PPP1R9A: variants seen among roughly 807,000 people sequenced by gnomAD.
PPP1R9A encodes neurabin-1.
Under a neutral mutation model 141.9 loss-of-function variants are expected in PPP1R9A, and 59 were observed. The observed-to-expected ratio is 0.42, with a 90% confidence interval of 0.34 to 0.52. The LOEUF is 0.52. Ranked by LOEUF, PPP1R9A falls within the 20% of genes least tolerant of loss-of-function variation. The pLI, the probability that PPP1R9A is intolerant of heterozygous loss-of-function variation, is 0.10. For missense variants in PPP1R9A, 1,444 were observed against 1,611.9 expected (o/e 0.90, Z 1.78); for synonymous variants, 500 against 569.7 (o/e 0.88, Z 1.74).
chr7:94,972,809 A>C (rs996789020), intron 2 of PPP1R9A, among the ~76,000 whole-genome samples: 6 of 152,228 alleles, frequency 3.9e-5, no homozygotes, highest in Non-Finnish European at 8.8e-5. Context: ...AGTGTTGCCA[A>C]GTCATGGGAC....
chr7:95,198,478 T>G lies in PPP1R9A; in HGVS notation c.1884T>G (p.Asp628Glu), dbSNP rs769899851. ...EQHYAQYDAD[D>E]DENTVAELQG... ...ACTATGCCCAGTATGATGCCGACGATGACGAGGTCAGTAGTGCTTGCAAAG... is the reference window on the plus strand; with the variant it reads ...ACTATGCCCAGTATGATGCCGACGAGGACGAGGTCAGTAGTGCTTGCAAAG... The change falls in exon 6 of 20, where the codon GAT becomes GAG. Residue 628 changes from aspartate to glutamate, a missense_variant. By Grantham distance (45) the Asp-to-Glu change is conservative. Coordinates refer to ENST00000433360, the MANE Select transcript of PPP1R9A (RefSeq NM_001166160.2). 1 of 1,588,022 alleles carries G rather than the reference T, an allele frequency of 6.3e-7. No homozygotes were observed. Among genetic ancestry groups the G allele is most frequent in the Non-Finnish European group, 8.5e-7 (1 of 1,170,088 alleles).
At chr7:95,181,506 G>T (rs1239841810) in intron 5 of PPP1R9A, among the ~76,000 whole-genome samples, 4 of 133,696 alleles carry the variant, frequency 3.0e-5, no homozygotes, top group Admixed American at 8.1e-5. Flanking sequence ...AATATATATA[G>T]AGAATATATA....
At chr7:94,983,885 G>C (rs1013621160) in intron 2 of PPP1R9A, among the ~76,000 whole-genome samples, 1 of 152,280 alleles carries the variant, frequency 6.6e-6, no homozygotes, top group South Asian at 2.1e-4. Context: ...GGAGTGGTGA[G>C]AGAGGGCATC....
Position 95,174,061 on chromosome 7 carries a change from T to C in PPP1R9A, c.1754+12090T>C, listed in dbSNP as rs549423139. Among the ~76,000 whole-genome samples the C allele has an allele frequency of 6.6e-5, 10 of 152,250 alleles. No individual in the cohort carries two copies. The South Asian group carries it at 2.1e-3, about 32-fold the overall frequency. ...ACATATATTTATATAAAGACTCATA[T>C]TTGCATATTCATAGCAGCTTTTTCA... On this transcript the variant is annotated intron_variant, in intron 5 of 19. Transcript: ENST00000433360.
intron 2 of PPP1R9A, among the ~76,000 whole-genome samples, chr7:94,991,886 A>C (rs1801560345): frequency 6.6e-6 from 1 of 152,170 alleles, no homozygotes; most frequent in South Asian, 2.1e-4. Flanking sequence ...TCCTGAGCTC[A>C]AACGATCCAC....
chr7:95,264,596 G>A (rs1034833240), intron 12 of PPP1R9A, among the ~76,000 whole-genome samples: 6 of 152,302 alleles, frequency 3.9e-5, no homozygotes, highest in Admixed American at 6.5e-5. Context: ...ATTTGTAGCA[G>A]TATTGAAAAT....
chr7:94,946,478 G>A (rs996473588), intron 2 of PPP1R9A, among the ~76,000 whole-genome samples: 1 of 151,756 alleles, frequency 6.6e-6, no homozygotes, highest in Non-Finnish European at 1.5e-5. Flanking sequence ...ATAACACAGT[G>A]GCCAATTTTA....
At chr7:95,043,467 A>T (rs1229839360) in intron 2 of PPP1R9A, among the ~76,000 whole-genome samples, 2 of 152,200 alleles carry the variant, frequency 1.3e-5, no homozygotes, top group Non-Finnish European at 2.9e-5. Flanking sequence ...AGGGCCCCAG[A>T]TGGGGAAGAA....
chr7:94,911,390 A>T lies in PPP1R9A; in HGVS notation c.1277A>T (p.Asp426Val). ...GGCACTGAGCAGGATGAGGAGGAAG[A>T]TAGTGATGAGAACAGTTACTATCAG... ...ETGTEQDEEE[D>V]SDENSYYQPD... Residue 426 changes from aspartate (D) to valine (V), a missense_variant, in exon 2 of 20, where the codon GAT (aspartate) becomes GTT (valine). By Grantham distance (152) the Asp-to-Val change is radical. Around this residue, in one of 5 missense-constraint regions of PPP1R9A, gnomAD observed 490 missense variants for 521.1 expected, o/e 0.94. Coordinates refer to ENST00000433360, the MANE Select transcript of PPP1R9A (RefSeq NM_001166160.2). The T allele has an allele frequency of 1.2e-6, 2 of 1,614,140 alleles. No individual in the cohort carries two copies. Among genetic ancestry groups the T allele is most frequent in the Non-Finnish European group, 1.7e-6 (2 of 1,179,990 alleles).
At position 94,949,932 on chromosome 7, in the gene PPP1R9A, A is replaced by G. The variant is rs374534198; in HGVS notation, c.1395+38424A>G. Reference sequence around the variant, plus strand: ...CTTTTTTTTTTTTTTTTGAATGGTCACTTTTTTTTTGAACTTTTCTGCTTT... The same window carrying G: ...CTTTTTTTTTTTTTTTTGAATGGTCGCTTTTTTTTTGAACTTTTCTGCTTT... On this transcript the variant is annotated intron_variant, in intron 2 of 19. Coordinates refer to ENST00000433360, the MANE Select transcript of PPP1R9A (RefSeq NM_001166160.2). Among the ~76,000 whole-genome samples, 549 of 134,776 alleles carry G rather than the reference A, an allele frequency of 4.1e-3. 21 individuals carry two copies. Among genetic ancestry groups the G allele is most frequent in the East Asian group, 0.036 (169 of 4,682 alleles). The allele number at this position is 134,776 out of a possible 152,430, so 88.4% of individuals were successfully genotyped here.
At chr7:94,919,667 C>T (rs1426937053) in intron 2 of PPP1R9A, among the ~76,000 whole-genome samples, 2 of 152,048 alleles carry the variant, frequency 1.3e-5, no homozygotes, top group Non-Finnish European at 2.9e-5. Flanking sequence ...TTCAATATTT[C>T]GATATAGATT....
intron 2 of PPP1R9A, among the ~76,000 whole-genome samples, chr7:95,074,466 T>G (rs1342085268): frequency 2.0e-5 from 2 of 98,372 alleles, no homozygotes; most frequent in Non-Finnish European, 4.1e-5. Context: ...CTTTTTTTTG[T>G]TTTTTTTTTT....
intron 12 of PPP1R9A, among the ~76,000 whole-genome samples, chr7:95,267,499 C>G (rs1801478404): frequency 6.6e-6 from 1 of 152,008 alleles, no homozygotes; most frequent in Admixed American, 6.6e-5. Flanking sequence ...GAGTACTTTT[C>G]CTTAACCAAT....
chr7:95,218,071 A>T (rs1793777583), intron 7 of PPP1R9A, among the ~76,000 whole-genome samples: 1 of 151,986 alleles, frequency 6.6e-6, no homozygotes, highest in African/African-American at 2.4e-5. Context: ...TTAGGGTGTC[A>T]ATTTTCTATC....
At chr7:95,219,195 C>T (rs1266079087) in intron 7 of PPP1R9A, among the ~76,000 whole-genome samples, 1 of 152,116 alleles carries the variant, frequency 6.6e-6, no homozygotes, top group African/African-American at 2.4e-5. Flanking sequence ...ATTTGCTTGT[C>T]TGTAAAGGAT....
intron 7 of PPP1R9A, among the ~76,000 whole-genome samples, chr7:95,205,975 C>A (rs889826031): frequency 2.2e-4 from 33 of 151,848 alleles, no homozygotes; most frequent in African/African-American, 7.7e-4. Flanking sequence ...GAAAAAAAAA[C>A]AAACGTGCAT....
At chr7:95,259,006 T>C (rs1800028259) in intron 12 of PPP1R9A, among the ~76,000 whole-genome samples, 2 of 152,210 alleles carry the variant, frequency 1.3e-5, no homozygotes, top group Non-Finnish European at 2.9e-5. Flanking sequence ...TGTAGCATTG[T>C]TTGTATAGCT....
At chr7:95,160,014 A>G (rs1312837715) in intron 4 of PPP1R9A, among the ~76,000 whole-genome samples, 1 of 151,746 alleles carries the variant, frequency 6.6e-6, no homozygotes, top group Admixed American at 6.6e-5. Context: ...AGTATTGGGT[A>G]CATGAAAGTT....
intron 2 of PPP1R9A, among the ~76,000 whole-genome samples, chr7:94,925,514 T>A (rs1485198355): frequency 6.6e-6 from 1 of 152,124 alleles, no homozygotes; most frequent in Non-Finnish European, 1.5e-5. Context: ...TCTCTCCCTC[T>A]CATTCTTAGA....
Sources: allele counts gnomAD v4.1 joint callset (sites outside exome capture counted in the v4.1 genomes callset), GRCh38; gene constraint gnomAD v4.1.1; regional missense constraint gnomAD v4.1.1; transcripts MANE v1.5; gene names NCBI Gene and HGNC (gene_info 2026-07-23, HGNC 2026-07-21).